Variants in PTPRN2 observed in about 807,000 individuals in gnomAD.
PTPRN2 encodes protein tyrosine phosphatase receptor type N2.
PTPRN2 carries 74 observed loss-of-function variants against 118.8 expected under a neutral mutation model. The ratio of observed to expected loss-of-function variants is 0.62; its 90% CI spans 0.52 to 0.76. The LOEUF is 0.76. Among genes scored for constraint, PTPRN2 ranks in the 30% least tolerant of loss-of-function variants. The pLI is 0.00. For synonymous variants in PTPRN2, 641 were observed against 608.0 expected, an observed-to-expected ratio of 1.05 and a Z score of -0.80; for missense variants, 1,481 against 1,394.4, an observed-to-expected ratio of 1.06 and a Z score of -0.99.
At chr7:157,698,939 T>C (rs1797940123) in intron 12 of PTPRN2, among the ~76,000 whole-genome samples, 1 of 152,230 alleles carries the variant, frequency 6.6e-6, no homozygotes, top group South Asian at 2.1e-4. Context: ...AACAAGAATC[T>C]AACTTTTTTG....
intron 3 of PTPRN2, among the ~76,000 whole-genome samples, chr7:158,233,607 C>T (rs1048489619): frequency 2.0e-5 from 3 of 152,138 alleles, no homozygotes; most frequent in African/African-American, 7.2e-5. Context: ...ACACTCTTCA[C>T]AGAAAGAAAA....
At chr7:158,054,120 C>G (rs992892227) in intron 11 of PTPRN2, among the ~76,000 whole-genome samples, 2 of 152,106 alleles carry the variant, frequency 1.3e-5, no homozygotes, top group Non-Finnish European at 2.9e-5. Flanking sequence ...CCCAGAGATG[C>G]AGAGACCCTA....
At chr7:157,776,281 T>A (rs1475664374) in intron 12 of PTPRN2, among the ~76,000 whole-genome samples, 2 of 116,020 alleles carry the variant, frequency 1.7e-5, no homozygotes, top group Admixed American at 8.6e-5. Context: ...CCTCTTCACC[T>A]CCTCCCTGTC....
intron 12 of PTPRN2, among the ~76,000 whole-genome samples, chr7:157,688,098 A>T (rs997847243): frequency 6.6e-6 from 1 of 152,334 alleles, no homozygotes; most frequent in Non-Finnish European, 1.5e-5. Context: ...TGGCCAAAAA[A>T]CCCAAAAAAG....
intron 21 of PTPRN2, among the ~76,000 whole-genome samples, chr7:157,565,372 C>A (rs1799432745): frequency 6.6e-6 from 1 of 152,244 alleles, no homozygotes. Flanking sequence ...GTCTGTGGCT[C>A]CTGCCAGACA....
chr7:157,818,484 T>G (rs1375504567), intron 12 of PTPRN2, among the ~76,000 whole-genome samples: 1 of 148,928 alleles, frequency 6.7e-6, no homozygotes, highest in Non-Finnish European at 1.5e-5. Context: ...TCTTCAACGA[T>G]GAGGAAGACA....
chr7:158,312,263 C>T (rs1314559938), intron 3 of PTPRN2, among the ~76,000 whole-genome samples: 2 of 93,318 alleles, frequency 2.1e-5, no homozygotes, highest in African/African-American at 3.7e-5. Context: ...CACGCACTCA[C>T]GTGCTCACAT....
intron 12 of PTPRN2, among the ~76,000 whole-genome samples, chr7:157,834,488 C>T (rs1807801053): frequency 7.0e-6 from 1 of 142,352 alleles, no homozygotes; most frequent in Admixed American, 6.9e-5. Context: ...AGCAGCACTC[C>T]CTGTGATCAA....
At chr7:158,542,617 C>T (rs1035223056) in intron 1 of PTPRN2, among the ~76,000 whole-genome samples, 3 of 152,220 alleles carry the variant, frequency 2.0e-5, no homozygotes, top group East Asian at 1.9e-4. Flanking sequence ...CCTCTCCCAG[C>T]GGAGCAACGC....
rs13247440 is a variant in PTPRN2 at position 158,544,781 on chromosome 7, C to T, written c.112+42777G>A. On this transcript the variant is annotated intron_variant, in intron 1 of 22. Transcript: ENST00000389418. This position sits in a 1 kb window ranked among gnomAD's most constrained non-coding sequence, Gnocchi z 4.2. ...TACCAAAAGATTGGGTGCCCCTGCT[C>T]TAGAGTGAACACAGAAGCACTGTCT... is the stretch of plus-strand genomic sequence containing the variant. Among the ~76,000 whole-genome samples the T allele has an allele frequency of 6.6e-6, 1 of 152,206 alleles. No individual in the cohort carries two copies. Among genetic ancestry groups the T allele is most frequent in the Non-Finnish European group, 1.5e-5 (1 of 68,030 alleles).
chr7:158,569,178 A>G (rs1484962880), intron 1 of PTPRN2, among the ~76,000 whole-genome samples: 2 of 152,244 alleles, frequency 1.3e-5, no homozygotes, highest in African/African-American at 2.4e-5. Flanking sequence ...TCAGGAATTT[A>G]GGTATTTTAA....
At chr7:158,260,553 T>C (rs1797330214) in intron 3 of PTPRN2, among the ~76,000 whole-genome samples, 1 of 152,150 alleles carries the variant, frequency 6.6e-6, no homozygotes, top group Non-Finnish European at 1.5e-5. Flanking sequence ...ATCCAAAGTA[T>C]GCACTCCCAC....
intron 12 of PTPRN2, among the ~76,000 whole-genome samples, chr7:157,814,077 T>G (rs1161808343): frequency 1.3e-5 from 2 of 152,246 alleles, no homozygotes; most frequent in African/African-American, 4.8e-5. Flanking sequence ...CACACTGCCG[T>G]GCTGCGCAGG....
intron 2 of PTPRN2, among the ~76,000 whole-genome samples, chr7:158,337,347 C>A (rs1271995031): frequency 1.2e-5 from 1 of 86,548 alleles, no homozygotes; most frequent in Admixed American, 1.2e-4. Context: ...TAAGAGGTGA[C>A]ACCTGCAGAC....
At chr7:158,087,295 G>A (rs1813499984) in intron 10 of PTPRN2, among the ~76,000 whole-genome samples, 1 of 152,188 alleles carries the variant, frequency 6.6e-6, no homozygotes, top group African/African-American at 2.4e-5. Context: ...ACAAGGGAGG[G>A]GACTGTCTCT....
Position 157,780,511 on chromosome 7 carries a change from C to T in PTPRN2, c.1789-97574G>A, listed in dbSNP as rs556024607. Reference sequence around the variant, plus strand: ...AGTTCGCTTGTCCCCACAGGCAGCTCGACATGGTGCAGACCGTGGCAGCCA... The same window carrying T: ...AGTTCGCTTGTCCCCACAGGCAGCTTGACATGGTGCAGACCGTGGCAGCCA... On this transcript the variant is annotated intron_variant, in intron 12 of 22. Transcript: ENST00000389418. The surrounding 1 kb of genome is among the most constrained non-coding windows in gnomAD (Gnocchi z 4.5). Among the ~76,000 whole-genome samples the T allele has an allele frequency of 3.9e-5, 6 of 152,304 alleles. No individual in the cohort carries two copies. In the South Asian group the frequency reaches 8.3e-4, roughly 21 times the overall value.
At chr7:157,576,540 G>C (rs1052110894) in intron 19 of PTPRN2, 73 bp downstream of exon 19, 2 of 1,395,298 alleles carry the variant, frequency 1.4e-6, no homozygotes, top group Non-Finnish European at 1.9e-6. Context: ...GGCGTCTCAG[G>C]AGCACCGAAG....
chr7:157,568,798 A>G, intron 21 of PTPRN2, 104 bp downstream of exon 21: 2 of 1,194,788 alleles, frequency 1.7e-6, no homozygotes, highest in Non-Finnish European at 2.5e-6. Context: ...CACAACAAGC[A>G]GCGAATTTTT....
chr7:158,215,114 A>G (rs1038951833), intron 3 of PTPRN2, among the ~76,000 whole-genome samples: 3 of 152,254 alleles, frequency 2.0e-5, no homozygotes, highest in Non-Finnish European at 2.9e-5. Context: ...TTCAATGAGC[A>G]ATTATGAACA....
Sources: allele counts gnomAD v4.1 joint callset (sites outside exome capture counted in the v4.1 genomes callset), GRCh38; gene constraint gnomAD v4.1.1; non-coding constraint Gnocchi (gnomAD v3.1); transcripts MANE v1.5; gene names NCBI Gene and HGNC (gene_info 2026-07-23, HGNC 2026-07-21).